Variants in DGKB observed in about 807,000 individuals in gnomAD.
The protein encoded by DGKB is 90 kDa diacylglycerol kinase.
In DGKB, 67 loss-of-function variants were observed where a neutral mutation model predicts 114.3. The ratio of observed to expected loss-of-function variants is 0.59; its 90% CI spans 0.48 to 0.72. The LOEUF is 0.72. Among genes scored for constraint, DGKB ranks in the 30% least tolerant of loss-of-function variants. The pLI, the probability that DGKB is intolerant of heterozygous loss-of-function variation, is 0.00. For missense variants in DGKB, 907 were observed against 975.2 expected (o/e 0.93, Z 0.93); for synonymous variants, 398 against 323.1 (o/e 1.23, Z -2.49).
In DGKB at chr7:14,471,219, T is replaced by TAC. The variant is rs1781275272; in HGVS notation, c.1835+6941_1835+6942insGT. 3.3e-4 allele frequency among the ~76,000 whole-genome samples: 39 copies of TAC among 116,738 alleles called. 2 individuals carry two copies. Among genetic ancestry groups the TAC allele is most frequent in the African/African-American group, 1.6e-3 (39 of 23,710 alleles). The allele number at this position is 116,738 out of a possible 152,430, so 76.6% of individuals were successfully genotyped here. ...TGTATGGAATATATGTATATATACA[T>TAC]ATATATGTATGGAATATATGTATAC... On this transcript the variant is annotated intron_variant, in intron 21 of 25. Transcript: ENST00000402815.
At position 14,145,413 on chromosome 7, in the gene DGKB, C is replaced by T. The variant is rs143838173; in HGVS notation, c.*3718G>A. The T allele has an allele frequency of 1.0e-3, 156 of 151,186 alleles. No individual in the cohort carries two copies. Among genetic ancestry groups the T allele is most frequent in the African/African-American group, 3.6e-3 (150 of 41,220 alleles). 9.4% of individuals were successfully genotyped at this position (151,186 alleles called of 1,614,324 possible). A position where few individuals can be genotyped will look rare whatever the true frequency, so the allele number is the denominator to read the frequency against. On this transcript the variant is annotated 3_prime_UTR_variant, in exon 26 of 26. Coordinates refer to ENST00000402815, the MANE Select transcript of DGKB (RefSeq NM_001350709.2). Reference sequence around the variant, plus strand: ...ATTATTCAATTATTATTTAATTGTTCAGTATTGAATAATCCTTTGGGGGTT... The same window carrying T: ...ATTATTCAATTATTATTTAATTGTTTAGTATTGAATAATCCTTTGGGGGTT...
chr7:14,185,249 A>G (rs1268433697), intron 23 of DGKB, among the ~76,000 whole-genome samples: 3 of 152,202 alleles, frequency 2.0e-5, no homozygotes, highest in Non-Finnish European at 4.4e-5. Context: ...GAATCAAATA[A>G]AGAACTCAAC....
At chr7:14,650,839 C>T (rs1490155213) in intron 13 of DGKB, among the ~76,000 whole-genome samples, 2 of 150,620 alleles carry the variant, frequency 1.3e-5, no homozygotes, top group African/African-American at 4.9e-5. Flanking sequence ...CACAGAAATA[C>T]AAACTACCAT....
intron 23 of DGKB, among the ~76,000 whole-genome samples, chr7:14,230,363 A>G (rs1317551879): frequency 2.0e-5 from 3 of 151,968 alleles, no homozygotes; most frequent in Non-Finnish European, 4.4e-5. Context: ...CACTTAGTGT[A>G]TTTTTGGGGT....
chr7:14,962,983 C>A (rs990520003), intron 1 of DGKB, among the ~76,000 whole-genome samples: 1 of 152,080 alleles, frequency 6.6e-6, no homozygotes, highest in Non-Finnish European at 1.5e-5. Flanking sequence ...TGAGCACTTT[C>A]ATTTTCTCTC....
rs1444877545 is a variant in DGKB, at chr7:14,486,109, C to T, written c.1771-7884G>A. Among the ~76,000 whole-genome samples the T allele has an allele frequency of 2.6e-5, 4 of 152,012 alleles. No individual in the cohort carries two copies. In the East Asian group the frequency reaches 7.7e-4, roughly 29 times the overall value. ...CATAAAGTTGGACATGGTCATATCA[C>T]TCTTGTGATTATGTTGCAGAGGGCA... On this transcript the variant is annotated intron_variant, in intron 20 of 25. Transcript: ENST00000402815.
At chr7:14,817,288 G>A (rs1464001866) in intron 2 of DGKB, among the ~76,000 whole-genome samples, 2 of 152,130 alleles carry the variant, frequency 1.3e-5, no homozygotes, top group Non-Finnish European at 2.9e-5. Context: ...GAGGAATGTT[G>A]TAAAGTTTTA....
intron 21 of DGKB, among the ~76,000 whole-genome samples, chr7:14,396,812 A>T (rs1822286975): frequency 6.6e-6 from 1 of 152,198 alleles, no homozygotes; most frequent in Non-Finnish European, 1.5e-5. Flanking sequence ...CTGAGTTTAT[A>T]GAGTAATAAA....
intron 4 of DGKB, among the ~76,000 whole-genome samples, chr7:14,740,237 CTTTT>C (rs58096142): frequency 2.1e-5 from 3 of 142,770 alleles, no homozygotes; most frequent in Non-Finnish European, 1.5e-5. Context: ...ACGCTTAAGC[CTTTT>C]TTTTTTTTTT....
At chr7:14,819,085 C>A (rs761380878) in intron 2 of DGKB, among the ~76,000 whole-genome samples, 3 of 152,126 alleles carry the variant, frequency 2.0e-5, no homozygotes, top group Non-Finnish European at 4.4e-5. Context: ...TTAGTCTACG[C>A]CCTGTCCTTT....
At chr7:14,171,328 C>T (rs17695413) in intron 25 of DGKB, among the ~76,000 whole-genome samples, 4,824 of 152,202 alleles carry the variant, frequency 0.032, 102 homozygotes, top group Non-Finnish European at 0.049. Flanking sequence ...ATTTCCTTTC[C>T]GTTCTCTACC....
Position 14,160,849 on chromosome 7 carries a change from C to T in DGKB, c.2305-11611G>A, listed in dbSNP as rs907831247. Among the ~76,000 whole-genome samples the T allele has an allele frequency of 5.3e-5, 8 of 152,132 alleles. 1 individual carries two copies. The highest frequency in any genetic ancestry group is 4.1e-4 in the South Asian group (2 of 4,822). On this transcript the variant is annotated intron_variant, in intron 25 of 25. Transcript: ENST00000402815. ...AAAAAGAACAAAGCTGGAGGCATCACGCTACCTGACTTCAAACAATACTAC... is the reference window on the plus strand; with the variant it reads ...AAAAAGAACAAAGCTGGAGGCATCATGCTACCTGACTTCAAACAATACTAC...
intron 2 of DGKB, among the ~76,000 whole-genome samples, chr7:14,762,183 A>C (rs1290317407): frequency 6.6e-6 from 1 of 152,170 alleles, no homozygotes; most frequent in Non-Finnish European, 1.5e-5. Context: ...CTGAGCATGA[A>C]AGCGGGAGGT....
chr7:14,622,203 C>G (rs573570244), intron 14 of DGKB, among the ~76,000 whole-genome samples: 1 of 152,180 alleles, frequency 6.6e-6, no homozygotes, highest in Non-Finnish European at 1.5e-5. Context: ...CAGAATTGAT[C>G]TCTTCTTACT....
intron 1 of DGKB, among the ~76,000 whole-genome samples, chr7:14,861,553 A>G (rs1933123578): frequency 6.6e-6 from 1 of 151,996 alleles, no homozygotes; most frequent in Admixed American, 6.6e-5. Flanking sequence ...CCTGCTATGC[A>G]GTTTATGAAA....
intron 20 of DGKB, among the ~76,000 whole-genome samples, chr7:14,547,102 A>G (rs1175669124): frequency 6.6e-6 from 1 of 152,202 alleles, no homozygotes; most frequent in African/African-American, 2.4e-5. Flanking sequence ...AATTGTTGAT[A>G]TGTGTTTTAA....
intron 2 of DGKB, among the ~76,000 whole-genome samples, chr7:14,820,291 A>T (rs547997217): frequency 2.6e-5 from 4 of 152,194 alleles, no homozygotes; most frequent in Non-Finnish European, 5.9e-5. Context: ...TTATTATTAT[A>T]ATAATATCTA....
At chr7:14,362,806 G>C (rs1815989356) in intron 21 of DGKB, among the ~76,000 whole-genome samples, 1 of 152,060 alleles carries the variant, frequency 6.6e-6, no homozygotes, top group South Asian at 2.1e-4. Context: ...TACAGTGGTA[G>C]ACTGTTTAAC....
chr7:14,164,600 CATT>C (rs1784373081), intron 25 of DGKB, among the ~76,000 whole-genome samples: 1 of 152,048 alleles, frequency 6.6e-6, no homozygotes, highest in South Asian at 2.1e-4. Context: ...GAAAGTTAAA[CATT>C]ATGATAAAAC....
Sources: gnomAD v4.1 joint callset for allele counts (sites outside exome capture counted in the v4.1 genomes callset) on GRCh38, gnomAD v4.1.1 for gene constraint, MANE v1.5 for transcripts, NCBI Gene and HGNC (gene_info 2026-07-23, HGNC 2026-07-21) for gene names.